Variants in PDLIM1 observed in about 807,000 individuals in gnomAD.
PDLIM1 encodes the protein PDZ and LIM domain 1.
In PDLIM1, 25 loss-of-function variants were observed where a neutral mutation model predicts 35.2. That is an observed-to-expected ratio of 0.71 (90% CI 0.52 to 0.99). The LOEUF is 0.99. PDLIM1 is among the 50% of genes least tolerant of loss of function. The pLI is 0.00. For missense variants in PDLIM1, 363 were observed against 415.3 expected (o/e 0.87, Z 1.09); for synonymous variants, 152 against 154.0 (o/e 0.99, Z 0.10).
chr10:95,281,202 T>TC (rs2035558015), intron 1 of PDLIM1, among the ~76,000 whole-genome samples: 9 of 151,890 alleles, frequency 5.9e-5, no homozygotes, highest in Middle Eastern at 3.2e-3. Context: ...GAACTTATAC[T>TC]CCTATAAAAT....
At chr10:95,248,915 G>A (rs1048058099) in intron 4 of PDLIM1, among the ~76,000 whole-genome samples, 1 of 152,184 alleles carries the variant, frequency 6.6e-6, no homozygotes, top group Non-Finnish European at 1.5e-5. Context: ...GCACTCCTCA[G>A]AGAGGCCTTC....
intron 4 of PDLIM1, among the ~76,000 whole-genome samples, chr10:95,262,205 T>C (rs2035370127): frequency 6.6e-6 from 1 of 152,072 alleles, no homozygotes; most frequent in Non-Finnish European, 1.5e-5. Flanking sequence ...TTTAAGTAGT[T>C]TGGAACCTCT....
Position 95,271,747 on chromosome 10 carries a change from C to A in PDLIM1, c.134G>T (p.Cys45Phe), listed in dbSNP as rs1296799412. The part of the protein sequence containing the change: ...PGSKAALANL[C>F]IGDVITAIDG... ...AATGGCTGTGATTACATCTCCAATA[C>A]ATAAATTAGCTAGAGCCGCCTTGCT... Residue 45 changes from cysteine to phenylalanine, a missense_variant, in exon 2 of 7, where the codon TGT (cysteine) becomes TTT (phenylalanine). By Grantham distance (205) the Cys-to-Phe change is radical. Coordinates refer to ENST00000329399, the MANE Select transcript of PDLIM1 (RefSeq NM_020992.4). 4.3e-5 allele frequency: 69 copies of A among 1,612,266 alleles called. No individual in the cohort carries two copies. The highest frequency in any genetic ancestry group is 5.2e-5 in the Non-Finnish European group (61 of 1,179,482).
rs202155307 is a variant in PDLIM1 at position 95,238,115 on chromosome 10, C to A, written c.804-4G>T. The A allele has an allele frequency of 3.7e-6, 6 of 1,608,142 alleles. No homozygotes were observed. In the Admixed American group the frequency reaches 8.4e-5, roughly 22 times the overall value. The stretch of plus-strand genomic sequence containing the variant: ...CCGCAGCTTCACAAACACACCACTA[C>A]AGAAGCAAGGGAGGGAAGGGACTCC... On this transcript the variant is annotated splice_region_variant and splice_polypyrimidine_tract_variant and intron_variant, in intron 6 of 6. Transcript: ENST00000329399.
chr10:95,273,296 C>T (rs1370449762), intron 1 of PDLIM1: 8 of 152,318 alleles, frequency 5.3e-5, no homozygotes, highest in Middle Eastern at 3.4e-3. Context: ...CTTATGAACA[C>T]CTGGGTGTCT....
At chr10:95,243,840 C>T (rs1395437399) in intron 5 of PDLIM1, among the ~76,000 whole-genome samples, 1 of 152,076 alleles carries the variant, frequency 6.6e-6, no homozygotes, top group African/African-American at 2.4e-5. Context: ...GCTAAGTGAA[C>T]TAAGCCAGGA....
intron 4 of PDLIM1, among the ~76,000 whole-genome samples, chr10:95,254,334 G>A (rs1458579581): frequency 6.6e-6 from 1 of 152,084 alleles, no homozygotes; most frequent in Non-Finnish European, 1.5e-5. Flanking sequence ...GAAAACAGGA[G>A]TGGCTATATT....
intron 1 of PDLIM1, among the ~76,000 whole-genome samples, chr10:95,282,623 A>G (rs1239756861): frequency 6.6e-6 from 1 of 152,214 alleles, no homozygotes; most frequent in African/African-American, 2.4e-5. Context: ...GTAGCCAAAT[A>G]GAATACTCTG....
At chr10:95,278,327 G>T (rs565977186) in intron 1 of PDLIM1, among the ~76,000 whole-genome samples, 3 of 152,362 alleles carry the variant, frequency 2.0e-5, no homozygotes, top group African/African-American at 7.2e-5. Context: ...AATTCAGGCA[G>T]AGCCCCCACT....
intron 1 of PDLIM1, among the ~76,000 whole-genome samples, chr10:95,281,719 T>TCACACCTC: frequency 6.6e-6 from 1 of 152,354 alleles, no homozygotes; most frequent in Admixed American, 6.5e-5. Flanking sequence ...CTTGAACTCC[T>TCACACCTC]GGCCTCAAGC....
intron 1 of PDLIM1, among the ~76,000 whole-genome samples, chr10:95,285,821 C>T (rs1237706599): frequency 6.6e-6 from 1 of 152,140 alleles, no homozygotes; most frequent in African/African-American, 2.4e-5. Context: ...GTGTGAAGAT[C>T]ACTGAATATA....
At chr10:95,256,354 T>G (rs1388933394) in intron 4 of PDLIM1, among the ~76,000 whole-genome samples, 1 of 152,088 alleles carries the variant, frequency 6.6e-6, no homozygotes, top group Non-Finnish European at 1.5e-5. Flanking sequence ...ATTGTAAAAT[T>G]ATATAAAATC....
intron 4 of PDLIM1, among the ~76,000 whole-genome samples, chr10:95,262,403 C>T (rs1307525897): frequency 6.6e-6 from 1 of 152,114 alleles, no homozygotes; most frequent in Non-Finnish European, 1.5e-5. Context: ...AAGTTTGGAC[C>T]ACACAGTGTT....
Position 95,290,831 on chromosome 10 carries a change from C to T in PDLIM1, c.85G>A (p.Ala29Thr). The T allele has an allele frequency of 6.4e-7, 1 of 1,561,684 alleles. No homozygotes were observed. The highest frequency in any genetic ancestry group is 8.7e-7 in the Non-Finnish European group (1 of 1,153,214). The change falls in exon 1 of 7, where the codon GCC (alanine) becomes ACC (threonine). Residue 29 changes from alanine to threonine, a missense_variant. Physicochemically the swap from Ala to Thr is moderately conservative, Grantham distance 58. Coordinates refer to ENST00000329399, the MANE Select transcript of PDLIM1 (RefSeq NM_020992.4). The surrounding 1 kb of genome is among the most constrained non-coding windows in gnomAD (Gnocchi z 4.7). The part of the protein sequence containing the change: ...VGGKDFEQPL[A>T]ISRVTPGSKA... ...CCAGCTGCTCTTACCCGGGAAATGG[C>T]GAGAGGCTGCTCGAAGTCCTTGCCG...
intron 5 of PDLIM1, among the ~76,000 whole-genome samples, chr10:95,245,047 T>C (rs910744806): frequency 2.0e-5 from 3 of 152,210 alleles, no homozygotes; most frequent in African/African-American, 7.2e-5. Context: ...CAGGAGAAAC[T>C]ACAAGATTTG....
chr10:95,256,980 A>AGAAAAGAAAAG (rs748756563), intron 4 of PDLIM1, among the ~76,000 whole-genome samples: 2 of 135,526 alleles, frequency 1.5e-5, no homozygotes, highest in Admixed American at 7.9e-5. Context: ...ATCTTAAAAA[A>AGAAAAGAAAAG]AAAAAAAAAG....
intron 1 of PDLIM1, among the ~76,000 whole-genome samples, chr10:95,275,300 A>C (rs2035501351): frequency 6.6e-6 from 1 of 152,180 alleles, no homozygotes; most frequent in Admixed American, 6.5e-5. Flanking sequence ...GGCTGATTTG[A>C]GTAATAATAA....
chr10:95,253,983 A>G (rs1168696797), intron 4 of PDLIM1, among the ~76,000 whole-genome samples: 2 of 152,230 alleles, frequency 1.3e-5, no homozygotes, highest in African/African-American at 4.8e-5. Flanking sequence ...AAGGTTATAC[A>G]AAGACATAGA....
chr10:95,288,875 G>A (rs1319789961), intron 1 of PDLIM1, among the ~76,000 whole-genome samples: 1 of 152,204 alleles, frequency 6.6e-6, no homozygotes, highest in Non-Finnish European at 1.5e-5. Flanking sequence ...GAATGGAGCT[G>A]TGCCCTCTCA....
Sources: gnomAD v4.1 joint callset for allele counts (sites outside exome capture counted in the v4.1 genomes callset) on GRCh38, gnomAD v4.1.1 for gene constraint, Gnocchi (gnomAD v3.1) non-coding constraint, MANE v1.5 for transcripts, NCBI Gene and HGNC (gene_info 2026-07-23, HGNC 2026-07-21) for gene names.